SLC2A13: variants seen among roughly 807,000 people sequenced by gnomAD.
SLC2A13 encodes proton myo-inositol cotransporter.
A neutral mutation model predicts 64.4 loss-of-function variants in SLC2A13; 32 were observed. That is an observed-to-expected ratio of 0.50 (90% CI 0.37 to 0.67). SLC2A13 has a LOEUF of 0.67. Among genes scored for constraint, SLC2A13 ranks in the 30% least tolerant of loss-of-function variants. The pLI is 0.00. For synonymous variants in SLC2A13, 338 were observed against 327.1 expected, an observed-to-expected ratio of 1.03 and a Z score of -0.36; for missense variants, 743 against 829.2, an observed-to-expected ratio of 0.90 and a Z score of 1.28.
intron 7 of SLC2A13, among the ~76,000 whole-genome samples, chr12:39,816,358 C>T (rs1319552534): frequency 6.9e-6 from 1 of 144,250 alleles, no homozygotes; most frequent in Non-Finnish European, 1.5e-5. Context: ...CCTGTTCTCA[C>T]TCATAGGTGG....
intron 3 of SLC2A13, among the ~76,000 whole-genome samples, chr12:39,985,618 T>G (rs1947017221): frequency 6.6e-6 from 1 of 152,070 alleles, no homozygotes; most frequent in Non-Finnish European, 1.5e-5. Context: ...TAGGAAAGCA[T>G]AAAACAATGT....
chr12:39,829,657 C>T (rs896118122), intron 7 of SLC2A13: 7 of 167,924 alleles, frequency 4.2e-5, no homozygotes, highest in African/African-American at 1.2e-4. Flanking sequence ...AAGTGATCTG[C>T]CTGCCTCAGC....
chr12:40,085,011 C>T (rs908694268), intron 1 of SLC2A13, among the ~76,000 whole-genome samples: 26 of 152,100 alleles, frequency 1.7e-4, no homozygotes, highest in Admixed American at 2.0e-4. Flanking sequence ...ATCAATTATG[C>T]CTAGGTAATG....
rs192269063 is a variant in SLC2A13, at chr12:39,839,188, C to T, written c.1320-8960G>A. On this transcript the variant is annotated intron_variant, in intron 6 of 9. Coordinates refer to ENST00000280871, the MANE Select transcript of SLC2A13 (RefSeq NM_052885.4). Reference sequence around the variant, plus strand: ...TGGAATCTGGTTTACCAGAGAACACCGCCACTACCAGTCGGGACAGCGACT... The same window carrying T: ...TGGAATCTGGTTTACCAGAGAACACTGCCACTACCAGTCGGGACAGCGACT... Among the ~76,000 whole-genome samples, 940 of 152,144 alleles carry T rather than the reference C, an allele frequency of 6.2e-3. 11 individuals carry two copies. The highest frequency in any genetic ancestry group is 0.021 in the African/African-American group (885 of 41,508).
intron 6 of SLC2A13, among the ~76,000 whole-genome samples, chr12:39,855,677 T>G (rs1943589711): frequency 6.6e-6 from 1 of 152,222 alleles, no homozygotes; most frequent in East Asian, 1.9e-4. Flanking sequence ...TGCATAAATG[T>G]TTTTTCTAAA....
intron 7 of SLC2A13, among the ~76,000 whole-genome samples, chr12:39,808,831 C>T (rs1023011681): frequency 6.6e-6 from 1 of 152,074 alleles, no homozygotes; most frequent in African/African-American, 2.4e-5. Flanking sequence ...GTTAGATATA[C>T]TTATTGTAAA....
chr12:40,105,937 GGCTGCCACGGCAGCAGCC>G lies in SLC2A13; in HGVS notation c.-147_-130del, dbSNP rs1939296008. ...CTTTCTTCCTCCCGGCTTCCGCTCC[GGCTGCCACGGCAGCAGCC>G]GCCGCCACGGCCGCTCCGGGGAGAA... On this transcript the variant is annotated 5_prime_UTR_variant, in exon 1 of 10. Coordinates refer to ENST00000280871, the MANE Select transcript of SLC2A13 (RefSeq NM_052885.4). The surrounding 1 kb of genome is among the most constrained non-coding windows in gnomAD (Gnocchi z 4.2). The G allele has an allele frequency of 8.7e-7, 1 of 1,154,752 alleles. No individual in the cohort carries two copies. The highest frequency in any genetic ancestry group is 1.6e-5 in the African/African-American group (1 of 61,924). 71.5% of individuals were successfully genotyped at this position (1,154,752 alleles called of 1,614,324 possible).
chr12:40,095,898 T>G (rs1938924815), intron 1 of SLC2A13, among the ~76,000 whole-genome samples: 1 of 152,322 alleles, frequency 6.6e-6, no homozygotes, highest in South Asian at 2.1e-4. Flanking sequence ...GGGAACAACT[T>G]AGCCTGAGTT....
In SLC2A13 at chr12:39,913,134, A is replaced by G. The variant is rs113783945; in HGVS notation, c.1034+38123T>C. 7.8e-4 allele frequency among the ~76,000 whole-genome samples: 117 copies of G among 150,620 alleles called. 3 individuals are homozygous for G. Among genetic ancestry groups the G allele is most frequent in the African/African-American group, 2.9e-3 (114 of 39,944 alleles). ...ATTGTTACCTGAGTAAGCAAAAAACATATAGAATGAAAACTCCAGATGATG... is the reference window on the plus strand; with the variant it reads ...ATTGTTACCTGAGTAAGCAAAAAACGTATAGAATGAAAACTCCAGATGATG... On this transcript the variant is annotated intron_variant, in intron 4 of 9. Coordinates refer to ENST00000280871, the MANE Select transcript of SLC2A13 (RefSeq NM_052885.4).
intron 7 of SLC2A13, among the ~76,000 whole-genome samples, chr12:39,770,674 A>C (rs2135723452): frequency 6.6e-6 from 1 of 152,290 alleles, no homozygotes; most frequent in South Asian, 2.1e-4. Flanking sequence ...ACTGCCTGGC[A>C]TGTGGTATAT....
At chr12:40,101,825 TG>T (rs1172456074) in intron 1 of SLC2A13, among the ~76,000 whole-genome samples, 1 of 151,544 alleles carries the variant, frequency 6.6e-6, no homozygotes, top group East Asian at 1.9e-4. Context: ...CAAGGTTGTT[TG>T]TTTTTTTTTT....
chr12:40,063,451 A>G (rs946672234), intron 1 of SLC2A13, among the ~76,000 whole-genome samples: 4 of 147,776 alleles, frequency 2.7e-5, no homozygotes, highest in African/African-American at 1.0e-4. Context: ...TAATGCCTAC[A>G]TCTAAATTAG....
intron 6 of SLC2A13, among the ~76,000 whole-genome samples, chr12:39,830,944 C>T (rs896063956): frequency 5.3e-5 from 8 of 152,198 alleles, no homozygotes; most frequent in Non-Finnish European, 1.0e-4. Flanking sequence ...GCTCATTTGA[C>T]AGCAGTATTC....
chr12:39,874,711 T>C (rs1322713630), intron 4 of SLC2A13, among the ~76,000 whole-genome samples: 1 of 151,864 alleles, frequency 6.6e-6, no homozygotes, highest in African/African-American at 2.4e-5. Flanking sequence ...AATGTAATGC[T>C]CTATGTTTGG....
intron 7 of SLC2A13, among the ~76,000 whole-genome samples, chr12:39,783,313 T>G (rs571253833): frequency 6.6e-6 from 1 of 152,350 alleles, no homozygotes; most frequent in East Asian, 1.9e-4. Context: ...CTATTGTGAA[T>G]AGTGCCGCAA....
intron 2 of SLC2A13, among the ~76,000 whole-genome samples, chr12:40,034,243 C>T (rs778636400): frequency 4.6e-5 from 7 of 152,156 alleles, no homozygotes; most frequent in Non-Finnish European, 8.8e-5. Flanking sequence ...GGTTTTCAGA[C>T]ACCATACTCA....
chr12:39,978,968 G>A (rs1004975118), intron 3 of SLC2A13, among the ~76,000 whole-genome samples: 26 of 149,502 alleles, frequency 1.7e-4, no homozygotes, highest in Middle Eastern at 3.5e-3. Context: ...GCACGCAGCT[G>A]GAGATCTGAG....
intron 4 of SLC2A13, chr12:39,908,434 G>C (rs1331708257): frequency 6.6e-6 from 1 of 151,942 alleles, no homozygotes; most frequent in Non-Finnish European, 1.5e-5. Flanking sequence ...GCTTGCTCTG[G>C]TGTTATGAGT....
rs144771309 is a variant in SLC2A13 at position 39,772,749 on chromosome 12, G to A, written c.1446-7891C>T. On this transcript the variant is annotated intron_variant, in intron 7 of 9. Transcript: ENST00000280871. The stretch of plus-strand genomic sequence containing the variant: ...TTTCGTTATTATCACAGTTCCTAGG[G>A]TGATCTCCTGCTGTGGCAATGAAGT... Among the ~76,000 whole-genome samples, 787 of 152,214 alleles carry A rather than the reference G, an allele frequency of 5.2e-3. 5 individuals carry two copies. The highest frequency in any genetic ancestry group is 0.017 in the African/African-American group (720 of 41,518).
Sources: gnomAD v4.1 joint callset for allele counts (sites outside exome capture counted in the v4.1 genomes callset) on GRCh38, gnomAD v4.1.1 for gene constraint, Gnocchi (gnomAD v3.1) non-coding constraint, MANE v1.5 for transcripts, NCBI Gene and HGNC (gene_info 2026-07-23, HGNC 2026-07-21) for gene names.